Variants in RIT2 observed in about 807,000 individuals in gnomAD.
The protein encoded by RIT2 is Ras like without CAAX 2, also known as GTP-binding protein Rit2.
A neutral mutation model predicts 23.7 loss-of-function variants in RIT2; 24 were observed. That is an observed-to-expected ratio of 1.01 (90% CI 0.73 to 1.43). RIT2 has a LOEUF of 1.43. RIT2 is among the 40% of genes most tolerant of loss of function. The pLI, the probability that RIT2 is intolerant of heterozygous loss-of-function variation, is 0.00. For synonymous variants in RIT2, 107 were observed against 91.1 expected (o/e 1.17, Z -0.99); for missense variants, 236 against 266.9 (o/e 0.88, Z 0.81).
chr18:43,013,944 A>T (rs1348338402), intron 2 of RIT2, among the ~76,000 whole-genome samples: 1 of 151,808 alleles, frequency 6.6e-6, no homozygotes, highest in African/African-American at 2.4e-5. Context: ...AGCTTCTCTT[A>T]AGGAATGAAA....
intron 1 of RIT2, among the ~76,000 whole-genome samples, chr18:43,087,455 T>A (rs992249746): frequency 1.3e-5 from 2 of 152,118 alleles, no homozygotes; most frequent in Admixed American, 1.3e-4. Context: ...CCTCAGCACC[T>A]GTGTCTCCCT....
chr18:42,916,625 T>C (rs1461628494), intron 4 of RIT2, among the ~76,000 whole-genome samples: 1 of 152,052 alleles, frequency 6.6e-6, no homozygotes, highest in African/African-American at 2.4e-5. Flanking sequence ...GAGAGTGTAT[T>C]AGAAGAATAA....
At chr18:42,857,872 A>G (rs555851474) in intron 4 of RIT2, among the ~76,000 whole-genome samples, 2 of 152,212 alleles carry the variant, frequency 1.3e-5, no homozygotes, top group African/African-American at 4.8e-5. Flanking sequence ...CATAGATAAG[A>G]CCAAAGGTGA....
At chr18:42,879,951 G>A (rs1036657544) in intron 4 of RIT2, among the ~76,000 whole-genome samples, 1 of 152,106 alleles carries the variant, frequency 6.6e-6, no homozygotes. Flanking sequence ...TCCAGTCTCT[G>A]TATCTGACTG....
At chr18:42,948,508 G>A (rs1303710590) in intron 3 of RIT2, among the ~76,000 whole-genome samples, 1 of 152,020 alleles carries the variant, frequency 6.6e-6, no homozygotes, top group African/African-American at 2.4e-5. Flanking sequence ...CAGATGGGAT[G>A]ACAAGAATTG....
chr18:43,008,043 A>G (rs1046304841), intron 2 of RIT2, among the ~76,000 whole-genome samples: 1 of 151,676 alleles, frequency 6.6e-6, no homozygotes, highest in Admixed American at 6.6e-5. Flanking sequence ...GATCAAGGAC[A>G]TAACACCACA....
chr18:42,797,312 G>GT (rs1188386816), intron 4 of RIT2, among the ~76,000 whole-genome samples: 3 of 151,948 alleles, frequency 2.0e-5, no homozygotes, highest in African/African-American at 7.3e-5. Context: ...GACAAGATGT[G>GT]TTTACTCTTG....
At chr18:43,024,771 G>T (rs997077175) in intron 2 of RIT2, among the ~76,000 whole-genome samples, 2 of 149,998 alleles carry the variant, frequency 1.3e-5, no homozygotes, top group African/African-American at 2.5e-5. Flanking sequence ...AGTGGGCAAA[G>T]AACATAAAAA....
chr18:43,014,773 A>G (rs1184781111), intron 2 of RIT2, among the ~76,000 whole-genome samples: 1 of 151,712 alleles, frequency 6.6e-6, no homozygotes, highest in Non-Finnish European at 1.5e-5. Context: ...TTTTAAAACC[A>G]TGAATAAGTT....
At chr18:42,985,089 C>A in intron 2 of RIT2, among the ~76,000 whole-genome samples, 1 of 151,884 alleles carries the variant, frequency 6.6e-6, no homozygotes, top group Non-Finnish European at 1.5e-5. Flanking sequence ...TTTCTGGCAA[C>A]AAACTTAGTA....
intron 2 of RIT2, among the ~76,000 whole-genome samples, chr18:42,978,073 C>G (rs1394032840): frequency 6.6e-6 from 1 of 151,828 alleles, no homozygotes; most frequent in East Asian, 1.9e-4. Context: ...GTGAATCTTT[C>G]AGATTTCGTG....
intron 1 of RIT2, among the ~76,000 whole-genome samples, chr18:43,099,934 G>T (rs976369475): frequency 1.3e-5 from 2 of 152,000 alleles, no homozygotes; most frequent in Non-Finnish European, 1.5e-5. Context: ...GGCAAGGCTG[G>T]TATTATTTTC....
intron 4 of RIT2, among the ~76,000 whole-genome samples, chr18:42,758,914 T>G (rs558744248): frequency 6.6e-6 from 1 of 152,182 alleles, no homozygotes; most frequent in African/African-American, 2.4e-5. Flanking sequence ...TCCTTGATTC[T>G]GACCAGGACT....
intron 4 of RIT2, among the ~76,000 whole-genome samples, chr18:42,906,964 T>C (rs1023562017): frequency 2.0e-5 from 3 of 152,190 alleles, no homozygotes; most frequent in African/African-American, 7.2e-5. Context: ...TCAGTAATTG[T>C]TGAATTGCCT....
intron 4 of RIT2, among the ~76,000 whole-genome samples, chr18:42,758,777 A>C (rs1913229286): frequency 6.6e-6 from 1 of 151,744 alleles, no homozygotes; most frequent in Non-Finnish European, 1.5e-5. Context: ...TGCCTGCCCA[A>C]AGTGCTGGGA....
intron 3 of RIT2, among the ~76,000 whole-genome samples, chr18:42,945,108 A>G (rs1452837301): frequency 2.6e-5 from 4 of 152,098 alleles, no homozygotes; most frequent in African/African-American, 9.7e-5. Flanking sequence ...AATTACATTA[A>G]TGAAAGAAAT....
At chr18:42,795,590 C>T (rs190048293) in intron 4 of RIT2, among the ~76,000 whole-genome samples, 3 of 152,252 alleles carry the variant, frequency 2.0e-5, no homozygotes, top group South Asian at 2.1e-4. Context: ...CCAGTCCCAT[C>T]GACCACCTAA....
intron 1 of RIT2, among the ~76,000 whole-genome samples, chr18:43,053,670 G>A (rs1444277693): frequency 6.6e-6 from 1 of 151,962 alleles, no homozygotes; most frequent in Non-Finnish European, 1.5e-5. Flanking sequence ...CGTATTCATT[G>A]ATTTGATTAT....
chr18:42,862,569 G>T (rs1907357608), intron 4 of RIT2, among the ~76,000 whole-genome samples: 1 of 152,146 alleles, frequency 6.6e-6, no homozygotes, highest in African/African-American at 2.4e-5. Context: ...TTATCCAAAA[G>T]CAGAAATCAA....
Sources: gnomAD v4.1 joint callset for allele counts (sites outside exome capture counted in the v4.1 genomes callset) on GRCh38, gnomAD v4.1.1 for gene constraint, MANE v1.5 for transcripts, NCBI Gene and HGNC (gene_info 2026-07-23, HGNC 2026-07-21) for gene names.